The following NBAS variants were observed in gnomAD, a reference collection of about 807,000 sequenced individuals.
The protein encoded by NBAS is NBAS subunit of NRZ tethering complex, also known as NAG/BC035112 fusion.
A neutral mutation model predicts 302.5 loss-of-function variants in NBAS; 219 were observed. The ratio of observed to expected loss-of-function variants is 0.72; its 90% CI spans 0.65 to 0.81. The LOEUF (loss-of-function observed/expected upper bound fraction) is 0.81. Among genes scored for constraint, NBAS ranks in the 30% least tolerant of loss-of-function variants. NBAS has a pLI of 0.00. For missense variants in NBAS, 2,932 were observed against 2,841.6 expected (o/e 1.03, Z -0.72); for synonymous variants, 1,118 against 1,021.6 (o/e 1.09, Z -1.80).
At chr2:15,189,990 T>C (rs1665270533) in intron 49 of NBAS, among the ~76,000 whole-genome samples, 1 of 152,166 alleles carries the variant, frequency 6.6e-6, no homozygotes, top group South Asian at 2.1e-4. Flanking sequence ...CTGGTGAAAA[T>C]ACTGAAACTA....
chr2:15,340,217 G>T (rs961126759), intron 35 of NBAS, among the ~76,000 whole-genome samples: 8 of 152,146 alleles, frequency 5.3e-5, no homozygotes, highest in African/African-American at 1.9e-4. Context: ...ACTACTTTAT[G>T]ACTCTAGGGG....
chr2:15,549,992 A>G (rs1271929134), intron 6 of NBAS, among the ~76,000 whole-genome samples: 1 of 151,916 alleles, frequency 6.6e-6, no homozygotes, highest in African/African-American at 2.4e-5. Flanking sequence ...CGTCTCTACA[A>G]AAAATTTTAA....
At chr2:15,177,129 T>C (rs1014416997) in intron 51 of NBAS, among the ~76,000 whole-genome samples, 1 of 152,210 alleles carries the variant, frequency 6.6e-6, no homozygotes, top group African/African-American at 2.4e-5. Flanking sequence ...CCTGTGGCTT[T>C]GATTCTTGGA....
chr2:15,533,673 GGTGTGCGTGTGTGTGTGT>G (rs1336467210), intron 9 of NBAS, among the ~76,000 whole-genome samples: 2 of 130,678 alleles, frequency 1.5e-5, no homozygotes, highest in Non-Finnish European at 3.2e-5. Context: ...GACTTCGGGG[GGTGTGCGTGTGTGTGTGT>G]GTGTGTGTGT....
chr2:15,391,655 A>C (rs1262171194), intron 28 of NBAS, among the ~76,000 whole-genome samples: 1 of 152,108 alleles, frequency 6.6e-6, no homozygotes, highest in African/African-American at 2.4e-5. Flanking sequence ...AGTTGGATGG[A>C]AACTATAAAC....
chr2:15,559,455 C>T (rs1664807898), intron 1 of NBAS, among the ~76,000 whole-genome samples: 1 of 152,174 alleles, frequency 6.6e-6, no homozygotes, highest in Non-Finnish European at 1.5e-5. Flanking sequence ...AGGTTCATGA[C>T]GCTAGGCACT....
intron 48 of NBAS, among the ~76,000 whole-genome samples, chr2:15,208,519 A>G (rs1407731611): frequency 6.6e-6 from 1 of 152,228 alleles, no homozygotes; most frequent in African/African-American, 2.4e-5. Context: ...CAACGAAGAA[A>G]CATTGGATTT....
intron 21 of NBAS, among the ~76,000 whole-genome samples, chr2:15,452,009 A>G (rs1033487417): frequency 6.6e-6 from 1 of 152,126 alleles, no homozygotes; most frequent in Non-Finnish European, 1.5e-5. Flanking sequence ...AAAAAAAAAA[A>G]AAGTCAATAA....
In NBAS at chr2:15,467,686, G is replaced by A; in HGVS notation, c.1996C>T (p.Leu666=). 6.2e-7 allele frequency: 1 copy of A among 1,612,534 alleles called. No individual in the cohort carries two copies. The highest frequency in any genetic ancestry group is 8.5e-7 in the Non-Finnish European group (1 of 1,179,084). ...EKELKKRQEL[L]KLVNFSKLTL... ...TACTTGGAAAAGTTCACTAATTTCA[G>A]TAGTTCTTGTCTCTTCTTGAGCTCC... Residue 666 remains leucine (L), a synonymous_variant, in exon 18 of 52, where the codon CTG becomes TTG. Coordinates refer to ENST00000281513, the MANE Select transcript of NBAS (RefSeq NM_015909.4).
chr2:14,783,218 C>G, the NBAS span, among the ~76,000 whole-genome samples: 2 of 152,124 alleles, frequency 1.3e-5, no homozygotes, highest in Admixed American at 1.3e-4. Context: ...ACTAGTCACC[C>G]TGTTGTGACT....
chr2:15,246,331 A>G (rs1248545036), intron 44 of NBAS, among the ~76,000 whole-genome samples: 2 of 152,220 alleles, frequency 1.3e-5, no homozygotes, highest in Admixed American at 6.5e-5. Flanking sequence ...TTACTTGTAC[A>G]TCTCCCTGAC....
At chr2:15,511,067 T>C in intron 10 of NBAS, 145 bp downstream of exon 10, 1 of 1,053,326 alleles carries the variant, frequency 9.5e-7, no homozygotes, top group South Asian at 1.5e-5. Context: ...TTGAAAGAAA[T>C]AAAATTATAC....
At chr2:15,313,871 A>G (rs1365662598) in intron 38 of NBAS, among the ~76,000 whole-genome samples, 1 of 152,224 alleles carries the variant, frequency 6.6e-6, no homozygotes, top group African/African-American at 2.4e-5. Flanking sequence ...AATCCTAAGC[A>G]AAAGGCTCTC....
Position 15,238,689 on chromosome 2 carries a change from T to C in NBAS, c.5725-3A>G, listed in dbSNP as rs1667719402. On this transcript the variant is annotated splice_polypyrimidine_tract_variant and splice_region_variant and intron_variant, in intron 44 of 51. Coordinates refer to ENST00000281513, the MANE Select transcript of NBAS (RefSeq NM_015909.4). ...TCTTTACGGGCTTCCACAGACAGCT[T>C]AAAAAAAAGAATAGTGAGACCAAAG... is the stretch of plus-strand genomic sequence containing the variant. 6.9e-7 allele frequency: 1 copy of C among 1,457,828 alleles called. No individual in the cohort carries two copies. Among genetic ancestry groups the C allele is most frequent in the African/African-American group, 3.0e-5 (1 of 33,680 alleles). 90.3% of individuals were successfully genotyped at this position (1,457,828 alleles called of 1,614,324 possible).
chr2:15,122,124 C>CACTG, the NBAS span, among the ~76,000 whole-genome samples: 29 of 151,552 alleles, frequency 1.9e-4, no homozygotes, highest in East Asian at 5.2e-3. Flanking sequence ...ATGGAGGACT[C>CACTG]CGTTAGCCTG....
At chr2:15,190,773 C>A (rs1665314749) in intron 48 of NBAS, among the ~76,000 whole-genome samples, 1 of 152,050 alleles carries the variant, frequency 6.6e-6, no homozygotes, top group South Asian at 2.1e-4. Flanking sequence ...TAAGTTATCC[C>A]AACATGAAAT....
At chr2:14,976,918 T>C in the NBAS span, among the ~76,000 whole-genome samples, 2 of 152,214 alleles carry the variant, frequency 1.3e-5, no homozygotes, top group Admixed American at 6.5e-5. Context: ...ACAGCATGAT[T>C]TGGCCTCCAG....
chr2:14,906,806 A>G, the NBAS span, among the ~76,000 whole-genome samples: 1 of 152,198 alleles, frequency 6.6e-6, no homozygotes, highest in African/African-American at 2.4e-5. Context: ...TAAAAGCACA[A>G]AATAATTTTT....
chr2:15,467,798 T>C lies in NBAS; in HGVS notation c.1884A>G (p.Thr628=), dbSNP rs756128328. The C allele has an allele frequency of 3.1e-6, 5 of 1,588,614 alleles. No individual in the cohort carries two copies. The highest frequency in any genetic ancestry group is 1.1e-5 in the South Asian group (1 of 89,942). ...TGTCAATGTCTATTTCACCAGGTAA[T>C]GTAAATCTGCAAGTATAAAAGAACA... is the stretch of plus-strand genomic sequence containing the variant. ...IGKGADDGRF[T]LPGEIDIDSI... The change falls in exon 18 of 52, where the codon ACA becomes ACG. Residue 628 remains threonine (T), a synonymous_variant. Coordinates refer to ENST00000281513, the MANE Select transcript of NBAS (RefSeq NM_015909.4).
Sources: gnomAD v4.1 joint callset for allele counts (sites outside exome capture counted in the v4.1 genomes callset) on GRCh38, gnomAD v4.1.1 for gene constraint, MANE v1.5 for transcripts, NCBI Gene and HGNC (gene_info 2026-07-23, HGNC 2026-07-21) for gene names.